The following EYA4 variants were observed in gnomAD, a reference collection of about 807,000 sequenced individuals.
EYA4 encodes the protein protein phosphatase EYA4.
EYA4 carries 31 observed loss-of-function variants against 87.9 expected under a neutral mutation model. That is an observed-to-expected ratio of 0.35 (90% CI 0.27 to 0.48). EYA4 has a LOEUF of 0.48. Among genes scored for constraint, EYA4 ranks in the 20% least tolerant of loss-of-function variants. EYA4 has a pLI of 0.99. For synonymous variants in EYA4, 263 were observed against 270.6 expected (o/e 0.97, Z 0.28); for missense variants, 678 against 761.4 (o/e 0.89, Z 1.29).
At chr6:133,288,217 T>C (rs536406874) in intron 2 of EYA4, among the ~76,000 whole-genome samples, 61 of 152,308 alleles carry the variant, frequency 4.0e-4, no homozygotes, top group Non-Finnish European at 7.6e-4. Context: ...TGAATGGGCA[T>C]GGTTGTGTTC....
At chr6:133,405,654 A>G (rs577992979) in intron 3 of EYA4, among the ~76,000 whole-genome samples, 6 of 152,350 alleles carry the variant, frequency 3.9e-5, no homozygotes, top group African/African-American at 1.4e-4. Context: ...TAAAACAGAC[A>G]AAAGTTTCTC....
chr6:133,243,044 C>T (rs1269758821), intron 1 of EYA4, among the ~76,000 whole-genome samples: 1 of 151,006 alleles, frequency 6.6e-6, no homozygotes, highest in East Asian at 2.0e-4. Flanking sequence ...GAATAGCGCC[C>T]GGGCGTGTGT....
intron 1 of EYA4, among the ~76,000 whole-genome samples, chr6:133,265,148 A>G (rs1297836456): frequency 6.6e-6 from 1 of 152,150 alleles, no homozygotes; most frequent in African/African-American, 2.4e-5. Flanking sequence ...CTAAGACAAG[A>G]GTTTGTAGCT....
At chr6:133,495,145 T>G (rs929211664) in intron 13 of EYA4, among the ~76,000 whole-genome samples, 4 of 151,894 alleles carry the variant, frequency 2.6e-5, no homozygotes, top group Admixed American at 6.6e-5. Flanking sequence ...GGTGGGCACC[T>G]GTAATGCCAG....
intron 2 of EYA4, among the ~76,000 whole-genome samples, chr6:133,368,018 C>A (rs796735095): frequency 2.4e-4 from 37 of 152,258 alleles, no homozygotes; most frequent in African/African-American, 8.7e-4. Context: ...ACCAGAAGGG[C>A]ATCCTAGACA....
chr6:133,439,049 C>CAAAAAAAACAAAAAAAAAACAAAAAAA (rs1791995649), intron 3 of EYA4, among the ~76,000 whole-genome samples: 1 of 64,024 alleles, frequency 1.6e-5, no homozygotes, highest in Non-Finnish European at 2.6e-5. Flanking sequence ...GACTCCGTCT[C>CAAAAAAAACAAAAAAAAAACAAAAAAA]AAAAAAAAAA....
chr6:133,309,848 TG>T, intron 2 of EYA4, among the ~76,000 whole-genome samples: 1 of 152,136 alleles, frequency 6.6e-6, no homozygotes, highest in East Asian at 1.9e-4. Flanking sequence ...CTTATTCTTG[TG>T]ATTATGAAAC....
intron 13 of EYA4, among the ~76,000 whole-genome samples, chr6:133,494,957 A>G (rs772098578): frequency 2.0e-5 from 3 of 152,194 alleles, no homozygotes; most frequent in Admixed American, 2.0e-4. Flanking sequence ...ATTATTATGC[A>G]TTGTATACTT....
chr6:133,319,714 CTT>C (rs1314992807), intron 2 of EYA4, among the ~76,000 whole-genome samples: 3 of 130,444 alleles, frequency 2.3e-5, no homozygotes, highest in East Asian at 4.2e-4. Context: ...TTTTTCTTTT[CTT>C]TTCTTCTTTT....
At chr6:133,438,590 G>A (rs748213774) in intron 3 of EYA4, among the ~76,000 whole-genome samples, 1 of 151,392 alleles carries the variant, frequency 6.6e-6, no homozygotes, top group Non-Finnish European at 1.5e-5. Flanking sequence ...CTTTATGGAC[G>A]CTTACTGTAC....
At chr6:133,490,187 A>G (rs959858886) in intron 13 of EYA4, among the ~76,000 whole-genome samples, 1 of 152,172 alleles carries the variant, frequency 6.6e-6, no homozygotes, top group African/African-American at 2.4e-5. Context: ...CCAAAAATAC[A>G]AAGCAAGAAA....
At chr6:133,499,385 A>AT (rs1321566138) in intron 13 of EYA4, among the ~76,000 whole-genome samples, 1 of 151,996 alleles carries the variant, frequency 6.6e-6, no homozygotes, top group Non-Finnish European at 1.5e-5. Context: ...TTTTCTTTCC[A>AT]TCCAAGTACC....
Position 133,529,123 on chromosome 6 carries a change from C to G in EYA4, c.*318C>G. On this transcript the variant is annotated 3_prime_UTR_variant, in exon 20 of 20. Coordinates refer to ENST00000355286, the MANE Select transcript of EYA4 (RefSeq NM_004100.5). ...AAGAACTCTTACCCTGGCAAAGCAG[C>G]AACACACATGCTCCGTCTGACAAGG... 1 of 1,197,572 alleles carries G rather than the reference C, an allele frequency of 8.4e-7. No homozygotes were observed. Among genetic ancestry groups the G allele is most frequent in the Non-Finnish European group, 1.1e-6 (1 of 950,256 alleles). The allele number at this position is 1,197,572 out of a possible 1,614,324, so 74.2% of individuals were successfully genotyped here. A position where few individuals can be genotyped will look rare whatever the true frequency, so the allele number is the denominator to read the frequency against.
intron 3 of EYA4, among the ~76,000 whole-genome samples, chr6:133,383,131 A>G (rs999003647): frequency 2.6e-5 from 4 of 152,342 alleles, no homozygotes; most frequent in South Asian, 4.1e-4. Flanking sequence ...TTACTATGCT[A>G]TGAGTGATAT....
chr6:133,246,428 A>G (rs1774412707), intron 1 of EYA4, among the ~76,000 whole-genome samples: 1 of 151,466 alleles, frequency 6.6e-6, no homozygotes, highest in Non-Finnish European at 1.5e-5. Flanking sequence ...TATATGTTCT[A>G]TCGTGTTAGA....
At chr6:133,508,525 T>C (rs1798851341) in intron 14 of EYA4, among the ~76,000 whole-genome samples, 1 of 152,152 alleles carries the variant, frequency 6.6e-6, no homozygotes, top group Non-Finnish European at 1.5e-5. Context: ...AAATTTTATG[T>C]GGTAGTATCC....
intron 2 of EYA4, chr6:133,363,346 T>G (rs1784596045): frequency 6.6e-6 from 1 of 152,290 alleles, no homozygotes; most frequent in Admixed American, 6.5e-5. Context: ...GATTGGAGCC[T>G]CTTGCAAAAG....
chr6:133,294,904 A>T (rs752459843), intron 2 of EYA4, among the ~76,000 whole-genome samples: 13 of 152,036 alleles, frequency 8.6e-5, no homozygotes, highest in Non-Finnish European at 1.8e-4. Context: ...TGAAACGTAG[A>T]TGTCAACGTT....
At chr6:133,299,053 C>T (rs906715108) in intron 2 of EYA4, among the ~76,000 whole-genome samples, 2 of 152,114 alleles carry the variant, frequency 1.3e-5, no homozygotes, top group Admixed American at 1.3e-4. Context: ...GGGAATGAAG[C>T]AGGACTCTTC....
Sources: allele counts gnomAD v4.1 joint callset (sites outside exome capture counted in the v4.1 genomes callset), GRCh38; gene constraint gnomAD v4.1.1; transcripts MANE v1.5; gene names NCBI Gene and HGNC (gene_info 2026-07-23, HGNC 2026-07-21).